PUS10: variants seen among roughly 807,000 people sequenced by gnomAD.
The protein encoded by PUS10 is pseudouridine synthase 10.
In PUS10, 59 loss-of-function variants were observed where a neutral mutation model predicts 75.0. The observed-to-expected ratio is 0.79, with a 90% confidence interval of 0.64 to 0.98. PUS10 has a LOEUF of 0.98. PUS10 is among the 50% of genes least tolerant of loss of function. The pLI, the probability that PUS10 is intolerant of heterozygous loss-of-function variation, is 0.00. For missense variants in PUS10, 650 were observed against 614.4 expected, an observed-to-expected ratio of 1.06 and a Z score of -0.61; for synonymous variants, 219 against 211.6, an observed-to-expected ratio of 1.03 and a Z score of -0.30.
At chr2:60,953,763 T>C (rs1044618586) in intron 14 of PUS10, among the ~76,000 whole-genome samples, 170 bp downstream of exon 14, 1 of 152,266 alleles carries the variant, frequency 6.6e-6, no homozygotes, top group Admixed American at 6.5e-5. Flanking sequence ...CATATGTTAA[T>C]TGGCTATTCC....
chr2:60,987,430 A>T (rs549194264), intron 4 of PUS10, among the ~76,000 whole-genome samples: 2 of 152,224 alleles, frequency 1.3e-5, no homozygotes, highest in African/African-American at 4.8e-5. Context: ...AAAATATAGA[A>T]AGTGAGAGAG....
intron 3 of PUS10, among the ~76,000 whole-genome samples, chr2:61,007,415 C>T (rs759607712): frequency 1.3e-5 from 2 of 152,004 alleles, no homozygotes; most frequent in Non-Finnish European, 2.9e-5. Flanking sequence ...GAGCCAATAT[C>T]ATGCCACTGC....
At chr2:60,988,301 T>C (rs1454616355) in intron 4 of PUS10, among the ~76,000 whole-genome samples, 1 of 152,120 alleles carries the variant, frequency 6.6e-6, no homozygotes, top group Non-Finnish European at 1.5e-5. Context: ...TAAATTCTAA[T>C]ATTAATTGCC....
At chr2:60,975,245 C>A (rs547004926) in intron 4 of PUS10, among the ~76,000 whole-genome samples, 3 of 152,240 alleles carry the variant, frequency 2.0e-5, no homozygotes, top group Admixed American at 1.3e-4. Flanking sequence ...CTCCTGGGTT[C>A]AAGCAATCCT....
At chr2:60,989,271 A>T (rs957366981) in intron 4 of PUS10, among the ~76,000 whole-genome samples, 1 of 152,184 alleles carries the variant, frequency 6.6e-6, no homozygotes, top group Non-Finnish European at 1.5e-5. Flanking sequence ...AAAGAGGCAG[A>T]TTCTCAGATC....
At chr2:60,964,794 T>C (rs1470553768) in intron 8 of PUS10, among the ~76,000 whole-genome samples, 1 of 152,200 alleles carries the variant, frequency 6.6e-6, no homozygotes, top group Non-Finnish European at 1.5e-5. Context: ...ACTGAAACAC[T>C]GATTCTAAAT....
At chr2:61,003,337 C>G (rs1678975943) in intron 4 of PUS10, among the ~76,000 whole-genome samples, 1 of 151,776 alleles carries the variant, frequency 6.6e-6, no homozygotes, top group Non-Finnish European at 1.5e-5. Flanking sequence ...TGGCATATGC[C>G]TGTAATCCCA....
intron 11 of PUS10, among the ~76,000 whole-genome samples, chr2:60,960,149 C>CA (rs559273848): frequency 0.35 from 30,891 of 87,896 alleles, 6,014 homozygotes; most frequent in East Asian, 0.53. Flanking sequence ...CAGGCTCTCT[C>CA]AAAAAAAAAA....
At chr2:61,013,987 G>A (rs549957972) in intron 1 of PUS10, among the ~76,000 whole-genome samples, 4 of 151,784 alleles carry the variant, frequency 2.6e-5, no homozygotes, top group Admixed American at 2.0e-4. Context: ...AAGTTGATCA[G>A]CAGGTCTAAA....
intron 4 of PUS10, among the ~76,000 whole-genome samples, chr2:60,972,980 G>T (rs1676780713): frequency 1.3e-5 from 2 of 152,240 alleles, no homozygotes. Context: ...CTGCAGCCGG[G>T]AGGTGTGGGC....
intron 4 of PUS10, among the ~76,000 whole-genome samples, chr2:60,981,366 T>G (rs189235765): frequency 6.6e-6 from 1 of 151,356 alleles, no homozygotes; most frequent in Admixed American, 6.6e-5. Flanking sequence ...CACTGCAACT[T>G]TTGCCTCCCA....
intron 6 of PUS10, chr2:60,966,712 G>A (rs1182293972): frequency 2.0e-5 from 3 of 152,022 alleles, no homozygotes; most frequent in Admixed American, 6.6e-5. Flanking sequence ...CTCAATACTC[G>A]GTTTACAGAA....
intron 4 of PUS10, among the ~76,000 whole-genome samples, chr2:60,996,593 G>GT (rs1312847790): frequency 1.3e-5 from 2 of 151,070 alleles, no homozygotes; most frequent in Non-Finnish European, 2.9e-5. Flanking sequence ...AGATGGTATG[G>GT]TTTAAAAAAA....
At chr2:61,010,986 T>C in intron 2 of PUS10, 2 of 1,424,264 alleles carry the variant, frequency 1.4e-6, no homozygotes, top group Non-Finnish European at 1.9e-6. Context: ...GAATATTGTG[T>C]ATTATTATTG....
intron 11 of PUS10, among the ~76,000 whole-genome samples, chr2:60,955,982 T>C (rs1472668465): frequency 6.6e-6 from 1 of 152,058 alleles, no homozygotes; most frequent in African/African-American, 2.4e-5. Flanking sequence ...TCATTATATA[T>C]GATTATACAT....
intron 5 of PUS10, 107 bp from the exon 6 acceptor site, chr2:60,967,720 G>A: frequency 1.6e-5 from 11 of 705,698 alleles, no homozygotes; most frequent in Non-Finnish European, 2.6e-5. Flanking sequence ...TGCCTAGTAT[G>A]TACCAGGCAC....
chr2:60,994,384 CAAA>C (rs35312310), intron 4 of PUS10, among the ~76,000 whole-genome samples: 2 of 136,374 alleles, frequency 1.5e-5, no homozygotes, highest in Non-Finnish European at 1.6e-5. Context: ...TTCCTCAGAG[CAAA>C]AAAAAAAAAG....
Position 60,983,953 on chromosome 2 carries a change from C to T in PUS10, c.469-12396G>A, listed in dbSNP as rs181301422. On this transcript the variant is annotated intron_variant, in intron 4 of 17. Coordinates refer to ENST00000316752, the MANE Select transcript of PUS10 (RefSeq NM_144709.4). ...CCTACAAACATGCATATATTACTTT[C>T]CTAATAGCCAAAGAAAAAAAATTAT... is the stretch of plus-strand genomic sequence containing the variant. Among the ~76,000 whole-genome samples the T allele has an allele frequency of 1.8e-3, 266 of 151,836 alleles. 1 individual carries two copies. Among genetic ancestry groups the T allele is most frequent in the Middle Eastern group, 3.4e-3 (1 of 292 alleles).
Position 61,006,575 on chromosome 2 carries a change from T to C in PUS10, c.450A>G (p.Pro150=). The change falls in exon 4 of 18, where the codon CCA becomes CCG. Residue 150 remains proline (P), a synonymous_variant. Transcript: ENST00000316752. ...TSLVFSVSFP[P]QLSVREHAAW... Reference sequence around the variant, plus strand: ...ACCTTACCTCTCTTACAGATAGTTGTGGTGGGAAGGAGACTGAAAATACCA... The same window carrying C: ...ACCTTACCTCTCTTACAGATAGTTGCGGTGGGAAGGAGACTGAAAATACCA... The C allele has an allele frequency of 1.2e-6, 2 of 1,613,290 alleles. No individual in the cohort carries two copies. Among genetic ancestry groups the C allele is most frequent in the South Asian group, 2.2e-5 (2 of 90,976 alleles).
Sources: gnomAD v4.1 joint callset for allele counts (sites outside exome capture counted in the v4.1 genomes callset) on GRCh38, gnomAD v4.1.1 for gene constraint, MANE v1.5 for transcripts, NCBI Gene and HGNC (gene_info 2026-07-23, HGNC 2026-07-21) for gene names.